Variants in BICC1 observed in about 807,000 individuals in gnomAD.
BICC1 encodes the protein BicC family RNA binding protein 1.
A neutral mutation model predicts 111.0 loss-of-function variants in BICC1; 43 were observed. That is an observed-to-expected ratio of 0.39 (90% CI 0.30 to 0.50). BICC1 has a LOEUF of 0.50. Ranked by LOEUF, BICC1 falls within the 20% of genes least tolerant of loss-of-function variation. The pLI is 0.88. For missense variants in BICC1, 1,091 were observed against 1,203.2 expected, an observed-to-expected ratio of 0.91 and a Z score of 1.38; for synonymous variants, 467 against 434.4, an observed-to-expected ratio of 1.07 and a Z score of -0.93.
chr10:58,527,060 C>T (rs1324702264), intron 1 of BICC1, among the ~76,000 whole-genome samples: 1 of 152,182 alleles, frequency 6.6e-6, no homozygotes, highest in East Asian at 1.9e-4. Flanking sequence ...TAAAAGTGTT[C>T]CTATTTCTCC....
At chr10:58,774,679 A>G (rs1842703448) in intron 3 of BICC1, among the ~76,000 whole-genome samples, 2 of 152,202 alleles carry the variant, frequency 1.3e-5, no homozygotes, top group Admixed American at 6.5e-5. Context: ...ATATTTCCAA[A>G]TGACTTTCCA....
At chr10:58,689,697 G>A (rs570271905) in intron 2 of BICC1, among the ~76,000 whole-genome samples, 3 of 152,310 alleles carry the variant, frequency 2.0e-5, no homozygotes, top group Non-Finnish European at 2.9e-5. Context: ...CAAGCAAAGC[G>A]GAGCAAACAT....
intron 1 of BICC1, among the ~76,000 whole-genome samples, chr10:58,602,418 G>T (rs1195097182): frequency 6.6e-6 from 1 of 152,110 alleles, no homozygotes; most frequent in Non-Finnish European, 1.5e-5. Flanking sequence ...TACTCTTCAA[G>T]CATTGTTTGA....
chr10:58,719,685 C>T (rs1840879317), intron 3 of BICC1, among the ~76,000 whole-genome samples: 1 of 152,174 alleles, frequency 6.6e-6, no homozygotes, highest in Admixed American at 6.5e-5. Context: ...TGTCAAAGAC[C>T]AGTATGTCTT....
At chr10:58,766,424 G>A (rs530922136) in intron 3 of BICC1, among the ~76,000 whole-genome samples, 2 of 152,176 alleles carry the variant, frequency 1.3e-5, no homozygotes, top group Non-Finnish European at 2.9e-5. Context: ...ATTAGGGGGC[G>A]GGCACGAGAG....
chr10:58,544,869 A>T (rs1843095241), intron 1 of BICC1, among the ~76,000 whole-genome samples: 1 of 152,130 alleles, frequency 6.6e-6, no homozygotes, highest in Admixed American at 6.6e-5. Context: ...CAAGATCATT[A>T]GGTTGGGTTC....
At chr10:58,564,961 C>CT (rs1843712107) in intron 1 of BICC1, among the ~76,000 whole-genome samples, 2 of 151,970 alleles carry the variant, frequency 1.3e-5, no homozygotes, top group Non-Finnish European at 2.9e-5. Flanking sequence ...TATGACGTCC[C>CT]TTTTTTTAAA....
At chr10:58,527,117 A>G (rs1842564789) in intron 1 of BICC1, among the ~76,000 whole-genome samples, 1 of 152,156 alleles carries the variant, frequency 6.6e-6, no homozygotes, top group Admixed American at 6.5e-5. Context: ...AATGATTGCC[A>G]TTCTAACTGG....
chr10:58,528,801 A>T (rs1010482437), intron 1 of BICC1, among the ~76,000 whole-genome samples: 1 of 151,894 alleles, frequency 6.6e-6, no homozygotes, highest in African/African-American at 2.4e-5. Flanking sequence ...TGCACAGTAA[A>T]CAATACAAAC....
intron 3 of BICC1, among the ~76,000 whole-genome samples, chr10:58,763,538 C>T (rs1238404844): frequency 1.3e-5 from 2 of 151,912 alleles, no homozygotes; most frequent in African/African-American, 4.8e-5. Flanking sequence ...CCTCACTGAC[C>T]ATTAGAATTA....
intron 3 of BICC1, among the ~76,000 whole-genome samples, chr10:58,750,567 A>G (rs1445070014): frequency 1.3e-5 from 2 of 152,122 alleles, no homozygotes; most frequent in Non-Finnish European, 2.9e-5. Flanking sequence ...CCGCTACCAG[A>G]CCACTAGCTA....
chr10:58,680,025 G>A (rs1345601344), intron 2 of BICC1, among the ~76,000 whole-genome samples: 1 of 152,186 alleles, frequency 6.6e-6, no homozygotes, highest in Non-Finnish European at 1.5e-5. Flanking sequence ...ACTAGGTATA[G>A]ATGGAACGTA....
At chr10:58,592,584 G>A (rs976645885) in intron 1 of BICC1, among the ~76,000 whole-genome samples, 3 of 151,750 alleles carry the variant, frequency 2.0e-5, no homozygotes, top group East Asian at 1.9e-4. Context: ...GGTTGGTGGC[G>A]GGTGCCTGTA....
intron 2 of BICC1, among the ~76,000 whole-genome samples, chr10:58,656,597 A>G (rs1838660398): frequency 6.6e-6 from 1 of 151,794 alleles, no homozygotes; most frequent in African/African-American, 2.4e-5. Flanking sequence ...AAAGACAAAA[A>G]CCACATGATT....
intron 1 of BICC1, among the ~76,000 whole-genome samples, chr10:58,541,531 A>T (rs899166406): frequency 2.6e-5 from 4 of 152,136 alleles, no homozygotes; most frequent in African/African-American, 9.7e-5. Flanking sequence ...AAAACTACAA[A>T]ACATTGCAGA....
At chr10:58,583,442 A>G (rs1215373762) in intron 1 of BICC1, among the ~76,000 whole-genome samples, 2 of 147,608 alleles carry the variant, frequency 1.4e-5, no homozygotes, top group Non-Finnish European at 3.0e-5. Flanking sequence ...CTTAGCTCCC[A>G]CTTATAAGTG....
At chr10:58,690,997 G>T (rs1343787333) in intron 2 of BICC1, among the ~76,000 whole-genome samples, 1 of 152,108 alleles carries the variant, frequency 6.6e-6, no homozygotes, top group Non-Finnish European at 1.5e-5. Context: ...CTTTATTGAG[G>T]ATAATCGACA....
intron 3 of BICC1, among the ~76,000 whole-genome samples, chr10:58,712,376 A>T (rs1259397018): frequency 6.6e-6 from 1 of 152,158 alleles, no homozygotes; most frequent in East Asian, 1.9e-4. Flanking sequence ...TTGAAAACTT[A>T]TGTCTGCACA....
intron 3 of BICC1, among the ~76,000 whole-genome samples, chr10:58,746,403 A>G (rs1416503151): frequency 1.3e-5 from 2 of 152,164 alleles, no homozygotes; most frequent in Non-Finnish European, 2.9e-5. Context: ...TCAGACAACA[A>G]GGTGTCTCTG....
Sources: gnomAD v4.1 joint callset for allele counts (sites outside exome capture counted in the v4.1 genomes callset) on GRCh38, gnomAD v4.1.1 for gene constraint, MANE v1.5 for transcripts, NCBI Gene and HGNC (gene_info 2026-07-23, HGNC 2026-07-21) for gene names.